SHOC2: variants seen among roughly 807,000 people sequenced by gnomAD.
SHOC2 encodes leucine-rich repeat protein SHOC-2.
SHOC2 carries 4 observed loss-of-function variants against 50.2 expected under a neutral mutation model. That is an observed-to-expected ratio of 0.08 (90% CI 0.04 to 0.18). The LOEUF (loss-of-function observed/expected upper bound fraction) is 0.18, where lower values mean the gene tolerates loss of function less well. Among genes scored for constraint, SHOC2 ranks in the 10% least tolerant of loss-of-function variants. The probability of loss-of-function intolerance (pLI) is 1.00; values close to 1 mark genes in which losing one functional copy is unlikely to be tolerated. For missense variants in SHOC2, 388 were observed against 669.6 expected, an observed-to-expected ratio of 0.58 and a Z score of 4.64; for synonymous variants, 218 against 244.5, an observed-to-expected ratio of 0.89 and a Z score of 1.01.
chr10:110,946,069 G>A (rs1016482829), intron 1 of SHOC2, among the ~76,000 whole-genome samples: 1 of 151,948 alleles, frequency 6.6e-6, no homozygotes, highest in African/African-American at 2.4e-5. Context: ...ATCCTACTCA[G>A]GCCCTGAGTA....
chr10:110,926,756 A>G (rs1846784201), intron 1 of SHOC2, among the ~76,000 whole-genome samples: 1 of 152,192 alleles, frequency 6.6e-6, no homozygotes, highest in Non-Finnish European at 1.5e-5. Flanking sequence ...TGTATTTTGG[A>G]AAAATTCCAT....
chr10:110,958,566 C>T (rs914544896), intron 1 of SHOC2, among the ~76,000 whole-genome samples: 3 of 152,218 alleles, frequency 2.0e-5, no homozygotes, highest in Non-Finnish European at 2.9e-5. Context: ...TCATCTTCTA[C>T]ATGCGTTTTG....
chr10:110,955,495 A>G (rs1216886285), intron 1 of SHOC2, among the ~76,000 whole-genome samples: 2 of 152,128 alleles, frequency 1.3e-5, no homozygotes, highest in Non-Finnish European at 2.9e-5. Flanking sequence ...TGGGGGGGAA[A>G]TCTATTGATT....
intron 3 of SHOC2, chr10:110,989,080 C>T: frequency 2.1e-6 from 1 of 484,856 alleles, no homozygotes; most frequent in South Asian, 1.5e-5. Flanking sequence ...TAATTTACCT[C>T]CATTGTGGTC....
At chr10:110,929,057 A>C (rs1406994546) in intron 1 of SHOC2, among the ~76,000 whole-genome samples, 2 of 152,250 alleles carry the variant, frequency 1.3e-5, no homozygotes, top group African/African-American at 2.4e-5. Context: ...AACAACAATG[A>C]TCCTGTGCCA....
intron 8 of SHOC2, among the ~76,000 whole-genome samples, chr10:111,010,481 A>G (rs1315311769): frequency 1.3e-5 from 2 of 152,160 alleles, no homozygotes; most frequent in African/African-American, 2.4e-5. Flanking sequence ...GAATTGAACA[A>G]TGAGAACACT....
chr10:110,946,676 T>G (rs1847252244), intron 1 of SHOC2, among the ~76,000 whole-genome samples: 2 of 152,124 alleles, frequency 1.3e-5, no homozygotes, highest in Non-Finnish European at 2.9e-5. Flanking sequence ...TGTGTGAGCA[T>G]GTAGATCTGC....
intron 6 of SHOC2, among the ~76,000 whole-genome samples, chr10:111,008,484 T>C (rs1417114798): frequency 6.6e-6 from 1 of 152,058 alleles, no homozygotes; most frequent in Non-Finnish European, 1.5e-5. Flanking sequence ...CTTCAGTTTC[T>C]TAAGCTGTGA....
chr10:110,933,892 A>AT lies in SHOC2; in HGVS notation c.-235+14242dup, dbSNP rs532003851. 2.4e-4 allele frequency among the ~76,000 whole-genome samples: 37 copies of AT among 152,104 alleles called. 1 individual carries two copies. The highest frequency in any genetic ancestry group is 8.2e-4 in the African/African-American group (34 of 41,500). On this transcript the variant is annotated intron_variant, in intron 1 of 8. Transcript: ENST00000369452. ...GATTTTTTTTTTAACGAAAGTTTGG[A>AT]TTTTTTTGTGAGGCTCCCAAAGATT...
chr10:111,004,706 A>C lies in SHOC2; in HGVS notation c.1073A>C (p.Tyr358Ser), dbSNP rs779128466. 1 of 1,613,294 alleles carries C rather than the reference A, an allele frequency of 6.2e-7. No individual in the cohort carries two copies. Among genetic ancestry groups the C allele is most frequent in the South Asian group, 1.1e-5 (1 of 91,068 alleles). ...GGTCCATCTCAGTTTTCTACCATCT[A>C]TTCCCTCAACATGGAACACAATCGA... is the stretch of plus-strand genomic sequence containing the variant. ...VGGPSQFSTI[Y>S]SLNMEHNRIN... Residue 358 changes from tyrosine to serine, a missense_variant, in exon 5 of 9, where the codon TAT (tyrosine) becomes TCT (serine). By Grantham distance (144) the Tyr-to-Ser change is moderately radical. This residue lies in a region of SHOC2 where 48 missense variants were observed against 151.6 expected (regional missense o/e 0.32). Coordinates refer to ENST00000369452, the MANE Select transcript of SHOC2 (RefSeq NM_007373.4).
intron 3 of SHOC2, among the ~76,000 whole-genome samples, chr10:110,987,052 C>T (rs568276090): frequency 9.4e-4 from 143 of 152,204 alleles, no homozygotes; most frequent in African/African-American, 3.3e-3. Context: ...ACTAGAGTCC[C>T]CACCCTTGGC....
chr10:110,963,026 T>C (rs1217911557), intron 1 of SHOC2, among the ~76,000 whole-genome samples: 1 of 152,204 alleles, frequency 6.6e-6, no homozygotes, highest in Non-Finnish European at 1.5e-5. Flanking sequence ...GCACTTAACA[T>C]TATCACATCC....
chr10:110,980,357 C>T (rs893428315), intron 2 of SHOC2, among the ~76,000 whole-genome samples: 12 of 151,984 alleles, frequency 7.9e-5, no homozygotes, highest in African/African-American at 2.4e-4. Flanking sequence ...GGGGTTTCAC[C>T]GTGTTAGCCA....
At chr10:110,935,147 T>C (rs1846982464) in intron 1 of SHOC2, among the ~76,000 whole-genome samples, 1 of 152,248 alleles carries the variant, frequency 6.6e-6, no homozygotes, top group South Asian at 2.1e-4. Flanking sequence ...AACACTTACG[T>C]AGTGCTTTGT....
chr10:110,937,457 T>C (rs1847049119), intron 1 of SHOC2, among the ~76,000 whole-genome samples: 3 of 152,238 alleles, frequency 2.0e-5, no homozygotes, highest in Non-Finnish European at 4.4e-5. Flanking sequence ...AGCATCCCTC[T>C]TTGCCTTCAC....
chr10:110,919,701 C>A (rs2061473950), intron 1 of SHOC2, 44 bp downstream of exon 1: 2 of 397,868 alleles, frequency 5.0e-6, no homozygotes, highest in Non-Finnish European at 8.9e-6. Flanking sequence ...TTGGTCGGTT[C>A]TTCCTGCCTG....
At chr10:111,009,475 G>C in intron 7 of SHOC2, 90 bp downstream of exon 7, 1 of 1,180,068 alleles carries the variant, frequency 8.5e-7, no homozygotes, top group Non-Finnish European at 1.2e-6. Flanking sequence ...TGTAATTCTT[G>C]GATCAGATAG....
chr10:110,983,830 G>T (rs1259616007), intron 2 of SHOC2, among the ~76,000 whole-genome samples: 1 of 152,134 alleles, frequency 6.6e-6, no homozygotes, highest in Non-Finnish European at 1.5e-5. Flanking sequence ...GTTTATCCAT[G>T]TTTAGCACCT....
At chr10:111,009,502 A>G (rs1168110647) in intron 7 of SHOC2, 117 bp downstream of exon 7, 10 of 966,442 alleles carry the variant, frequency 1.0e-5, no homozygotes, top group African/African-American at 1.6e-5. Context: ...CTATTCTAGT[A>G]TTAGGGCTGA....
Sources: allele counts gnomAD v4.1 joint callset (sites outside exome capture counted in the v4.1 genomes callset), GRCh38; gene constraint gnomAD v4.1.1; regional missense constraint gnomAD v4.1.1; transcripts MANE v1.5; gene names NCBI Gene and HGNC (gene_info 2026-07-23, HGNC 2026-07-21).